Variants in CAVIN4 observed in about 807,000 individuals in gnomAD.
CAVIN4 encodes the protein caveolae-associated protein 4.
Under a neutral mutation model 18.6 loss-of-function variants are expected in CAVIN4, and 10 were observed. The observed-to-expected ratio is 0.54, with a 90% CI of 0.33 to 0.91. CAVIN4 has a LOEUF of 0.91. Ranked by LOEUF, CAVIN4 falls within the 40% of genes least tolerant of loss-of-function variation. The probability of loss-of-function intolerance (pLI) is 0.02; values close to 1 mark genes in which losing one functional copy is unlikely to be tolerated. For missense variants in CAVIN4, 459 were observed against 440.5 expected (o/e 1.04, Z -0.38); for synonymous variants, 173 against 164.8 (o/e 1.05, Z -0.38).
At chr9:100,580,471 T>C (rs1211020086) in intron 1 of CAVIN4, among the ~76,000 whole-genome samples, 1 of 152,234 alleles carries the variant, frequency 6.6e-6, no homozygotes, top group Non-Finnish European at 1.5e-5. Context: ...AGGAAACATA[T>C]TTGGCATTCA....
intron 1 of CAVIN4, among the ~76,000 whole-genome samples, chr9:100,581,753 C>T (rs1030937335): frequency 6.6e-6 from 1 of 152,026 alleles, no homozygotes; most frequent in Non-Finnish European, 1.5e-5. Flanking sequence ...GTGTTTTTTC[C>T]CCTATCTAAC....
At chr9:100,580,785 G>C (rs1839418297) in intron 1 of CAVIN4, among the ~76,000 whole-genome samples, 1 of 152,182 alleles carries the variant, frequency 6.6e-6, no homozygotes, top group South Asian at 2.1e-4. Flanking sequence ...CAGAGTAGCA[G>C]CAGTTCGTCA....
At chr9:100,581,621 T>C (rs554481248) in intron 1 of CAVIN4, among the ~76,000 whole-genome samples, 2 of 152,340 alleles carry the variant, frequency 1.3e-5, no homozygotes, top group East Asian at 1.9e-4. Flanking sequence ...CAAGTACTTT[T>C]TTCTGACTCT....
intron 1 of CAVIN4, among the ~76,000 whole-genome samples, chr9:100,581,932 T>C (rs1839434510): frequency 6.6e-6 from 1 of 152,192 alleles, no homozygotes; most frequent in African/African-American, 2.4e-5. Flanking sequence ...CACCCCTGCC[T>C]TTTTTAGCTC....
Position 100,585,923 on chromosome 9 carries a change from G to A in CAVIN4, c.567G>A (p.Lys189=), listed in dbSNP as rs1198101465. ...AAAGCAGATCTGCCAGGCTTAGGAA[G>A]TCAGGCAAGGAGCACATTGATAATA... ...VEESRSARLR[K]SGKEHIDNIK... is the part of the protein sequence containing the mutation. Residue 189 remains lysine, a synonymous_variant, in exon 2 of 2, where the codon AAG becomes AAA. Transcript: ENST00000307584. The A allele has an allele frequency of 6.2e-6, 10 of 1,614,064 alleles. No individual in the cohort carries two copies. The highest frequency in any genetic ancestry group is 1.6e-4 in the Middle Eastern group (1 of 6,084).
At chr9:100,583,819 G>A (rs754348698) in intron 1 of CAVIN4, among the ~76,000 whole-genome samples, 5 of 152,044 alleles carry the variant, frequency 3.3e-5, no homozygotes, top group Admixed American at 1.3e-4. Flanking sequence ...GCTAATTTTT[G>A]TATTTTTAGT....
At chr9:100,578,661 A>G (rs1839397347) in intron 1 of CAVIN4, 110 bp downstream of exon 1, 1 of 1,021,916 alleles carries the variant, frequency 9.8e-7, no homozygotes, top group Non-Finnish European at 1.5e-6. Context: ...TGTATATATT[A>G]ATACAATGGA....
chr9:100,582,970 G>T (rs1839443086), intron 1 of CAVIN4, among the ~76,000 whole-genome samples: 1 of 152,060 alleles, frequency 6.6e-6, no homozygotes, highest in Non-Finnish European at 1.5e-5. Context: ...CCAAGATCTT[G>T]CTGGGAATGT....
At chr9:100,581,752 C>T (rs1839433173) in intron 1 of CAVIN4, among the ~76,000 whole-genome samples, 1 of 152,078 alleles carries the variant, frequency 6.6e-6, no homozygotes, top group Non-Finnish European at 1.5e-5. Context: ...TGTGTTTTTT[C>T]CCCTATCTAA....
At position 100,586,103 on chromosome 9, in the gene CAVIN4, ACAGT is replaced by A. The variant is rs2118615248; in HGVS notation, c.751_754del (p.Ser251GlyfsTer89). On this transcript the variant is annotated frameshift_variant, in exon 2 of 2. Coordinates refer to ENST00000307584, the MANE Select transcript of CAVIN4 (RefSeq NM_001018116.2). ...TGAGACAGTCAGGGGAGAGGCTGAG[ACAGT>A]CAGGGGAGAGGTTTAAGAAATCTAT... 1.9e-6 allele frequency: 3 copies of A among 1,609,284 alleles called. No homozygotes were observed. The highest frequency in any genetic ancestry group is 2.5e-6 in the Non-Finnish European group (3 of 1,177,214).
Position 100,578,130 on chromosome 9 carries a change from G to C in CAVIN4, c.-14G>C. ...GATTGTGGTTAGGACATCTTACGCT[G>C]AGAAATAAATAAAATGGAACATAAT... On this transcript the variant is annotated 5_prime_UTR_variant, in exon 1 of 2. Coordinates refer to ENST00000307584, the MANE Select transcript of CAVIN4 (RefSeq NM_001018116.2). The C allele has an allele frequency of 6.2e-7, 1 of 1,613,198 alleles. No individual in the cohort carries two copies. Among genetic ancestry groups the C allele is most frequent in the Non-Finnish European group, 8.5e-7 (1 of 1,179,740 alleles).
chr9:100,585,009 A>C (rs958521664), intron 1 of CAVIN4, among the ~76,000 whole-genome samples: 1 of 152,192 alleles, frequency 6.6e-6, no homozygotes, highest in African/African-American at 2.4e-5. Flanking sequence ...ATACTGAAGA[A>C]TTTGAGCTCT....
chr9:100,577,393 T>C (rs1017601337), upstream of CAVIN4: 8 of 152,648 alleles, frequency 5.2e-5, no homozygotes, highest in Admixed American at 1.3e-4. Flanking sequence ...TAATGATTGG[T>C]GCTCTTAAAG....
intron 1 of CAVIN4, among the ~76,000 whole-genome samples, chr9:100,580,576 A>C (rs1839416593): frequency 6.6e-6 from 1 of 152,110 alleles, no homozygotes; most frequent in South Asian, 2.1e-4. Context: ...GTTTCCATTG[A>C]CTCTGTTGAT....
chr9:100,585,707 AG>A, intron 1 of CAVIN4, 57 bp from the exon 2 acceptor site: 2 of 1,361,272 alleles, frequency 1.5e-6, no homozygotes. Context: ...AGAAGGTAAA[AG>A]AGCTGCTCTA....
chr9:100,577,206 C>T (rs1449658417), upstream of CAVIN4: 1 of 152,362 alleles, frequency 6.6e-6, no homozygotes, highest in Non-Finnish European at 1.5e-5. Context: ...TGGAACAGAT[C>T]AATGAAAAGT....
chr9:100,584,568 G>T (rs1839458688), intron 1 of CAVIN4, among the ~76,000 whole-genome samples: 1 of 152,230 alleles, frequency 6.6e-6, no homozygotes, highest in South Asian at 2.1e-4. Flanking sequence ...TTTGAGTAAA[G>T]CTTCAATTCA....
chr9:100,580,960 A>G (rs950862613), intron 1 of CAVIN4: 2 of 152,256 alleles, frequency 1.3e-5, no homozygotes, highest in African/African-American at 4.8e-5. Context: ...TAGTTAAGGT[A>G]TATAAATGGT....
intron 1 of CAVIN4, among the ~76,000 whole-genome samples, chr9:100,581,847 C>T (rs559991838): frequency 6.6e-6 from 1 of 152,284 alleles, no homozygotes; most frequent in South Asian, 2.1e-4. Flanking sequence ...AAGCTACTCC[C>T]TGCAGCAGGT....
Sources: gnomAD v4.1 joint callset for allele counts (sites outside exome capture counted in the v4.1 genomes callset) on GRCh38, gnomAD v4.1.1 for gene constraint, MANE v1.5 for transcripts, NCBI Gene and HGNC (gene_info 2026-07-23, HGNC 2026-07-21) for gene names.